The following LAMA1 variants were observed in gnomAD, a reference collection of about 807,000 sequenced individuals.
LAMA1 encodes the protein laminin subunit alpha 1.
A neutral mutation model predicts 348.7 loss-of-function variants in LAMA1; 219 were observed. The observed-to-expected ratio is 0.63, with a 90% CI of 0.56 to 0.70. The LOEUF (loss-of-function observed/expected upper bound fraction) is 0.70. Ranked by LOEUF, LAMA1 falls within the 30% of genes least tolerant of loss-of-function variation. The probability of loss-of-function intolerance (pLI) is 0.00; values close to 1 mark genes in which losing one functional copy is unlikely to be tolerated. For synonymous variants in LAMA1, 1,487 were observed against 1,491.0 expected (o/e 1.00, Z 0.06); for missense variants, 3,744 against 3,888.0 (o/e 0.96, Z 0.99).
intron 33 of LAMA1, 127 bp from the exon 34 acceptor site, chr18:6,995,573 T>A (rs532847927): frequency 8.6e-5 from 57 of 659,204 alleles, no homozygotes; most frequent in African/African-American, 1.8e-4. Flanking sequence ...ACTGTCATTT[T>A]AAAAAAAAAT....
intron 46 of LAMA1, among the ~76,000 whole-genome samples, chr18:6,974,678 C>T (rs756307461): frequency 6.6e-6 from 1 of 151,896 alleles, no homozygotes; most frequent in Non-Finnish European, 1.5e-5. Context: ...GAACTCCTGA[C>T]CTCAGGTGAT....
chr18:7,108,963 G>A (rs1180826797), intron 1 of LAMA1, among the ~76,000 whole-genome samples: 2 of 152,260 alleles, frequency 1.3e-5, no homozygotes, highest in East Asian at 3.9e-4. Context: ...AGCAAGCAGT[G>A]GCAGGAAGAG....
chr18:7,066,707 T>C (rs759231697), intron 3 of LAMA1, among the ~76,000 whole-genome samples: 5 of 152,068 alleles, frequency 3.3e-5, no homozygotes, highest in East Asian at 1.9e-4. Flanking sequence ...TCAATTAGCA[T>C]AGGACAAAAA....
rs1301754720 is a variant in LAMA1 at position 7,017,304 on chromosome 18, T to C, written c.2782A>G (p.Thr928Ala). 1 of 1,613,864 alleles carries C rather than the reference T, an allele frequency of 6.2e-7. No homozygotes were observed. The highest frequency in any genetic ancestry group is 8.5e-7 in the Non-Finnish European group (1 of 1,179,870). ...AAGCACTGGTCACACTGCTGTCCAG[T>C]CACGTTTGGTTTGCAGTCACAGAGC... Reference protein sequence around the residue: ...TGLCDCKPNVTGQQCDQCLHG... With the variant: ...TGLCDCKPNVAGQQCDQCLHG... Residue 928 changes from threonine to alanine, a missense_variant, in exon 20 of 63, where the codon ACT (threonine) becomes GCT (alanine). This residue lies in a region of LAMA1 where 1,529 missense variants were observed against 1,689.4 expected (regional missense o/e 0.91). Transcript: ENST00000389658.
intron 59 of LAMA1, 144 bp from the exon 60 acceptor site, chr18:6,948,700 TAC>T: frequency 4.7e-6 from 4 of 857,150 alleles, no homozygotes; most frequent in Non-Finnish European, 7.3e-6. Context: ...ATTGCCACAA[TAC>T]TTCACATGAA....
intron 1 of LAMA1, among the ~76,000 whole-genome samples, chr18:7,115,225 G>A (rs1041696211): frequency 2.6e-5 from 4 of 152,108 alleles, no homozygotes; most frequent in African/African-American, 7.2e-5. Context: ...TGAATACTAT[G>A]TCATATATGA....
chr18:7,012,353 T>C (rs1479194305), intron 23 of LAMA1, among the ~76,000 whole-genome samples: 3 of 151,994 alleles, frequency 2.0e-5, no homozygotes, highest in Non-Finnish European at 2.9e-5. Flanking sequence ...CAGAATCATC[T>C]TGGAAGTGTT....
intron 53 of LAMA1, 120 bp downstream of exon 53, chr18:6,961,466 A>G (rs546715983): frequency 8.7e-7 from 1 of 1,150,674 alleles, no homozygotes; most frequent in East Asian, 2.6e-5. Flanking sequence ...TTGAAAATGC[A>G]CATCCATAAA....
At chr18:7,102,740 T>C (rs1470780715) in intron 1 of LAMA1, among the ~76,000 whole-genome samples, 2 of 152,164 alleles carry the variant, frequency 1.3e-5, no homozygotes, top group East Asian at 1.9e-4. Context: ...AAGGTCCACC[T>C]GTCACCTGTA....
At chr18:7,005,535 G>A (rs2057828255) in intron 29 of LAMA1, among the ~76,000 whole-genome samples, 1 of 152,186 alleles carries the variant, frequency 6.6e-6, no homozygotes, top group Admixed American at 6.5e-5. Context: ...GATCATTGGA[G>A]GTCAGGAGTT....
chr18:7,116,330 C>T (rs2143845449), intron 1 of LAMA1, among the ~76,000 whole-genome samples: 1 of 152,334 alleles, frequency 6.6e-6, no homozygotes, highest in South Asian at 2.1e-4. Context: ...ACAGGAGTCC[C>T]CTCGCAATCC....
At chr18:6,991,140 A>G (rs1481594981) in intron 36 of LAMA1, among the ~76,000 whole-genome samples, 1 of 152,008 alleles carries the variant, frequency 6.6e-6, no homozygotes, top group African/African-American at 2.4e-5. Context: ...TTATTCTAGT[A>G]ATTAGATTAC....
intron 19 of LAMA1, among the ~76,000 whole-genome samples, chr18:7,021,025 T>A (rs1445858379): frequency 6.6e-6 from 1 of 152,114 alleles, no homozygotes; most frequent in East Asian, 1.9e-4. Context: ...GCCCGAGACC[T>A]CCCCTCCCTG....
At position 7,024,458 on chromosome 18, in the gene LAMA1, G is replaced by A; in HGVS notation, c.2411C>T (p.Pro804Leu). The A allele has an allele frequency of 6.2e-7, 1 of 1,613,660 alleles. No homozygotes were observed. Among genetic ancestry groups the A allele is most frequent in the South Asian group, 1.1e-5 (1 of 90,984 alleles). ...PLTIASNNFS[P>L]TCHLNDGDEV... Reference sequence around the variant, plus strand: ...ATCTCCATCATTGAGGTGGCAGGTGGGGCTGAAACTGTCAAAACATTAGAA... The same window carrying A: ...ATCTCCATCATTGAGGTGGCAGGTGAGGCTGAAACTGTCAAAACATTAGAA... Residue 804 changes from proline to leucine, a missense_variant, in exon 18 of 63, where the codon CCC becomes CTC. Physicochemically the swap from Pro to Leu is moderately conservative, Grantham distance 98. This residue lies in a region of LAMA1 where 1,529 missense variants were observed against 1,689.4 expected (regional missense o/e 0.91). Coordinates refer to ENST00000389658, the MANE Select transcript of LAMA1 (RefSeq NM_005559.4).
chr18:7,057,970 AATTTTTTTTT>A, intron 3 of LAMA1, among the ~76,000 whole-genome samples: 1 of 146,762 alleles, frequency 6.8e-6, no homozygotes, highest in East Asian at 2.1e-4. Flanking sequence ...AATTTTTTTT[AATTTTTTTTT>A]TTTAGTAGAG....
In LAMA1 at chr18:7,050,317, G is replaced by A. The variant is rs188001772; in HGVS notation, c.588+377C>T. Among the ~76,000 whole-genome samples, 977 of 152,304 alleles carry A rather than the reference G, an allele frequency of 6.4e-3. 3 individuals are homozygous for A. Among genetic ancestry groups the A allele is most frequent in the Non-Finnish European group, 0.01 (683 of 68,020 alleles). ...TGGGCACTAAGCTGCAAGACTTCAA[G>A]AGTCTCCAGTGCTCACCACCTACCG... is the stretch of plus-strand genomic sequence containing the variant. On this transcript the variant is annotated intron_variant, in intron 4 of 62. Coordinates refer to ENST00000389658, the MANE Select transcript of LAMA1 (RefSeq NM_005559.4).
chr18:7,074,838 T>C (rs923964625), intron 3 of LAMA1, among the ~76,000 whole-genome samples: 1 of 116,458 alleles, frequency 8.6e-6, no homozygotes, highest in African/African-American at 4.7e-5. Context: ...CCTCTTGTAA[T>C]ACATTACTAA....
chr18:6,992,695 AT>A lies in LAMA1; in HGVS notation c.5033del (p.Asn1678IlefsTer26). 1 of 1,613,560 alleles carries A rather than the reference AT, an allele frequency of 6.2e-7. No individual in the cohort carries two copies. The highest frequency in any genetic ancestry group is 1.1e-5 in the South Asian group (1 of 91,074). On this transcript the variant is annotated frameshift_variant, in exon 36 of 63. Transcript: ENST00000389658. LOFTEE classifies it high-confidence loss of function. ...ITEIMEKTTL[N>X]QTLDEDFLLP... ...GTAGGAAATCTTCATCCAAAGTCTG[AT>A]TTAAAGTTGTCTTTTCCATAATTTC...
Position 6,955,467 on chromosome 18 carries a change from T to C in LAMA1, c.8095-2A>G, listed in dbSNP as rs2057571346. The C allele has an allele frequency of 6.2e-7, 1 of 1,612,544 alleles. No individual in the cohort carries two copies. On this transcript the variant is annotated splice_acceptor_variant, in intron 56 of 62. Transcript: ENST00000389658. LOFTEE classifies it high-confidence loss of function. The stretch of plus-strand genomic sequence containing the variant: ...AGCTGCATCCACCACACACTGTTCC[T>C]GTAAGAGACACACAGGGACACTCAG...
Sources: gnomAD v4.1 joint callset for allele counts (sites outside exome capture counted in the v4.1 genomes callset) on GRCh38, gnomAD v4.1.1 for gene constraint, gnomAD v4.1.1 regional missense constraint, MANE v1.5 for transcripts, NCBI Gene and HGNC (gene_info 2026-07-23, HGNC 2026-07-21) for gene names.